Variants in SLMAP observed in about 807,000 individuals in gnomAD.
The protein encoded by SLMAP is sarcolemmal membrane-associated protein.
Under a neutral mutation model 128.8 loss-of-function variants are expected in SLMAP, and 44 were observed. That is an observed-to-expected ratio of 0.34 (90% CI 0.27 to 0.44). The LOEUF is 0.44. SLMAP is among the 20% of genes least tolerant of loss of function. The pLI is 1.00. For missense variants in SLMAP, 787 were observed against 985.3 expected, an observed-to-expected ratio of 0.80 and a Z score of 2.69; for synonymous variants, 327 against 348.8, an observed-to-expected ratio of 0.94 and a Z score of 0.70.
intron 2 of SLMAP, among the ~76,000 whole-genome samples, chr3:57,812,379 G>A (rs1433938106): frequency 6.6e-6 from 1 of 152,076 alleles, no homozygotes; most frequent in East Asian, 1.9e-4. Flanking sequence ...TCTTTTGACT[G>A]TATATGTGAA....
intron 2 of SLMAP, among the ~76,000 whole-genome samples, chr3:57,769,511 C>T (rs114483694): frequency 0.022 from 3,356 of 151,818 alleles, 125 homozygotes; most frequent in African/African-American, 0.076. Context: ...TTTTTTAAGA[C>T]ACAAGGTCTC....
At position 57,907,097 on chromosome 3, in the gene SLMAP, G is replaced by A. The variant is rs143172242; in HGVS notation, c.1502-787G>A. On this transcript the variant is annotated intron_variant, in intron 17 of 24. Coordinates refer to ENST00000671191, the MANE Select transcript of SLMAP (RefSeq NM_001377540.1). ...GGCTGGAGCGCAGTGGCGCGATCTC[G>A]GCTCACTGCAACGTCTGCCTCTTGT... Among the ~76,000 whole-genome samples the A allele has an allele frequency of 3.4e-3, 512 of 151,970 alleles. 7 individuals are homozygous for A. The East Asian group carries it at 0.035, about 10-fold the overall frequency.
chr3:57,919,054 T>C (rs1576414070), intron 22 of SLMAP, among the ~76,000 whole-genome samples: 1 of 152,360 alleles, frequency 6.6e-6, no homozygotes, highest in East Asian at 1.9e-4. Context: ...GCAGCTTTTA[T>C]GTGAATATTT....
intron 17 of SLMAP, among the ~76,000 whole-genome samples, chr3:57,906,300 C>CTTTTTTTTTTTTTTTTTTTTT (rs112949836): frequency 4.2e-5 from 3 of 71,268 alleles, no homozygotes; most frequent in African/African-American, 9.6e-5. Context: ...AAATTTTTTT[C>CTTTTTTTTTTTTTTTTTTTTT]TTTTTTTTTC....
chr3:57,906,509 G>T (rs1298504393), intron 17 of SLMAP, among the ~76,000 whole-genome samples: 1 of 147,794 alleles, frequency 6.8e-6, no homozygotes, highest in Non-Finnish European at 1.5e-5. Flanking sequence ...TAGAGACGGG[G>T]TTTCCACATG....
At chr3:57,868,386 T>C (rs1242655242) in intron 13 of SLMAP, among the ~76,000 whole-genome samples, 1 of 151,976 alleles carries the variant, frequency 6.6e-6, no homozygotes, top group Non-Finnish European at 1.5e-5. Context: ...GAAACCAGCC[T>C]GGGCAACATA....
chr3:57,887,138 A>G (rs2095911770), intron 14 of SLMAP, among the ~76,000 whole-genome samples: 2 of 152,204 alleles, frequency 1.3e-5, no homozygotes, highest in African/African-American at 4.8e-5. Flanking sequence ...AGCACCAGGA[A>G]TAAAGAGAAG....
intron 15 of SLMAP, among the ~76,000 whole-genome samples, chr3:57,893,172 A>C (rs1050741585): frequency 6.6e-6 from 1 of 152,008 alleles, no homozygotes; most frequent in Non-Finnish European, 1.5e-5. Flanking sequence ...AAAAATACCT[A>C]CTAGGTACTA....
At chr3:57,795,264 G>A (rs890255013) in intron 2 of SLMAP, among the ~76,000 whole-genome samples, 4 of 152,242 alleles carry the variant, frequency 2.6e-5, no homozygotes, top group African/African-American at 9.6e-5. Flanking sequence ...TTGGGGCCGT[G>A]CATGGTGGCT....
intron 2 of SLMAP, among the ~76,000 whole-genome samples, chr3:57,808,176 T>C (rs1305967990): frequency 6.6e-6 from 1 of 151,722 alleles, no homozygotes; most frequent in Non-Finnish European, 1.5e-5. Context: ...GCAAGCAGTC[T>C]ATCTATTTTG....
At chr3:57,798,092 A>G (rs79769570) in intron 2 of SLMAP, among the ~76,000 whole-genome samples, 1,607 of 152,332 alleles carry the variant, frequency 0.011, 32 homozygotes, top group African/African-American at 0.036. Flanking sequence ...GCACACGGTA[A>G]AGACTAAATA....
chr3:57,825,583 AC>A (rs2092868067), intron 2 of SLMAP, among the ~76,000 whole-genome samples: 1 of 150,492 alleles, frequency 6.6e-6, no homozygotes, highest in African/African-American at 2.5e-5. Flanking sequence ...AAGTTGAACC[AC>A]CTAGGGTAAA....
At chr3:57,793,214 C>T (rs1010562895) in intron 2 of SLMAP, among the ~76,000 whole-genome samples, 13 of 152,196 alleles carry the variant, frequency 8.5e-5, no homozygotes, top group East Asian at 1.9e-4. Flanking sequence ...GGCTTACACC[C>T]CTACACCCTG....
intron 2 of SLMAP, among the ~76,000 whole-genome samples, chr3:57,767,347 G>A (rs1388005637): frequency 1.3e-5 from 2 of 152,224 alleles, no homozygotes; most frequent in African/African-American, 4.8e-5. Flanking sequence ...TGAGGGAAAT[G>A]TGAACAATGG....
chr3:57,829,517 T>C (rs2093186680), intron 2 of SLMAP, among the ~76,000 whole-genome samples: 1 of 152,200 alleles, frequency 6.6e-6, no homozygotes, highest in Non-Finnish European at 1.5e-5. Flanking sequence ...AGTTCCAGTG[T>C]AGAAAAAATT....
chr3:57,857,863 A>G, intron 7 of SLMAP, 35 bp downstream of exon 7: 1 of 1,387,754 alleles, frequency 7.2e-7, no homozygotes, highest in Non-Finnish European at 1.0e-6. Context: ...GAAACATTTA[A>G]ACATAGTTTA....
chr3:57,843,775 CTTTTTTTTTTTT>C lies in SLMAP; in HGVS notation c.419+2415_419+2426del, dbSNP rs775541858. Reference sequence around the variant, plus strand: ...TTCTCTCTCTTTCTTTCTTTTCTTTCTTTTTTTTTTTTTTTTTTTTTTGAGACAGAATCTCAC... The same window carrying C: ...TTCTCTCTCTTTCTTTCTTTTCTTTCTTTTTTTTTTGAGACAGAATCTCAC... On this transcript the variant is annotated intron_variant, in intron 4 of 24. Coordinates refer to ENST00000671191, the MANE Select transcript of SLMAP (RefSeq NM_001377540.1). Among the ~76,000 whole-genome samples the C allele has an allele frequency of 1.6e-3, 127 of 77,142 alleles. 3 individuals are homozygous for C. The highest frequency in any genetic ancestry group is 5.6e-4 in the Admixed American group (3 of 5,332). 50.6% of individuals were successfully genotyped at this position (77,142 alleles called of 152,430 possible).
chr3:57,778,679 A>G (rs185068687), intron 2 of SLMAP, among the ~76,000 whole-genome samples: 23 of 150,760 alleles, frequency 1.5e-4, no homozygotes, highest in African/African-American at 4.6e-4. Flanking sequence ...GGCTCAAGCA[A>G]TCTTCCCGTC....
In SLMAP at chr3:57,756,812, G is replaced by T. The variant is rs1385278949; in HGVS notation, c.-840G>T. 1 of 152,270 alleles carries T rather than the reference G, an allele frequency of 6.6e-6. No homozygotes were observed. The highest frequency in any genetic ancestry group is 1.5e-5 in the Non-Finnish European group (1 of 68,112). 9.4% of individuals were successfully genotyped at this position (152,270 alleles called of 1,614,324 possible). A position where few individuals can be genotyped will look rare whatever the true frequency, so the allele number is the denominator to read the frequency against. Reference sequence around the variant, plus strand: ...GGCGTCCGGGGACCAACTTCCTGCCGCCTGGGAACTCGAGCCTCCCGGTGT... The same window carrying T: ...GGCGTCCGGGGACCAACTTCCTGCCTCCTGGGAACTCGAGCCTCCCGGTGT... On this transcript the variant is annotated 5_prime_UTR_variant, in exon 2 of 25. Coordinates refer to ENST00000671191, the MANE Select transcript of SLMAP (RefSeq NM_001377540.1).
Sources: gnomAD v4.1 joint callset for allele counts (sites outside exome capture counted in the v4.1 genomes callset) on GRCh38, gnomAD v4.1.1 for gene constraint, MANE v1.5 for transcripts, NCBI Gene and HGNC (gene_info 2026-07-23, HGNC 2026-07-21) for gene names.